MARVELD2: variants seen among roughly 807,000 people sequenced by gnomAD.
The protein encoded by MARVELD2 is MARVEL domain-containing protein 2.
A neutral mutation model predicts 57.6 loss-of-function variants in MARVELD2; 49 were observed. The observed-to-expected ratio is 0.85, with a 90% confidence interval of 0.68 to 1.08. The LOEUF is 1.08. Among genes scored for constraint, MARVELD2 ranks in the 50% least tolerant of loss-of-function variants. The pLI, the probability that MARVELD2 is intolerant of heterozygous loss-of-function variation, is 0.00. For synonymous variants in MARVELD2, 238 were observed against 258.8 expected (o/e 0.92, Z 0.77); for missense variants, 606 against 701.1 (o/e 0.86, Z 1.53).
In MARVELD2 at chr5:69,421,606, C is replaced by T. The variant is rs535998722; in HGVS notation, c.1146+1075C>T. On this transcript the variant is annotated intron_variant, in intron 2 of 6. Coordinates refer to ENST00000325631, the MANE Select transcript of MARVELD2 (RefSeq NM_001038603.3). The stretch of plus-strand genomic sequence containing the variant: ...GAATCTGATGCATAGCAACAAATAG[C>T]GCTTTGGTTTTAAAATTTTTTTAAT... Among the ~76,000 whole-genome samples, 35 of 151,964 alleles carry T rather than the reference C, an allele frequency of 2.3e-4. No homozygotes were observed. The South Asian group carries it at 6.5e-3, about 28-fold the overall frequency.
intron 5 of MARVELD2, among the ~76,000 whole-genome samples, chr5:69,434,200 A>C (rs1360834575): frequency 6.6e-6 from 1 of 152,162 alleles, no homozygotes. Flanking sequence ...GCAGTGGCTT[A>C]TGCCTGTAAT....
In MARVELD2 at chr5:69,419,404, T is replaced by C; in HGVS notation, c.19T>C (p.Ser7Pro). 1 of 1,614,114 alleles carries C rather than the reference T, an allele frequency of 6.2e-7. No homozygotes were observed. The highest frequency in any genetic ancestry group is 8.5e-7 in the Non-Finnish European group (1 of 1,180,022). Reference protein sequence around the residue: MSNDGRSRNRDRRYDEV... With the variant: MSNDGRPRNRDRRYDEV... ...ATCACAAATGTCAAATGATGGAAGA[T>C]CCAGGAATCGGGACAGGCGCTACGA... Residue 7 changes from serine to proline, a missense_variant, in exon 2 of 7, where the codon TCC (serine) becomes CCC (proline). Transcript: ENST00000325631.
At position 69,424,588 on chromosome 5, in the gene MARVELD2, C is replaced by G. The variant is rs370295005; in HGVS notation, c.1147-13C>G. ...ATGCCTTTGAAAAACTATTTGAACT[C>G]TTTTTGTTCCAGATAAATGAGCCAT... On this transcript the variant is annotated splice_polypyrimidine_tract_variant and intron_variant, in intron 2 of 6. Coordinates refer to ENST00000325631, the MANE Select transcript of MARVELD2 (RefSeq NM_001038603.3). 4.4e-6 allele frequency: 7 copies of G among 1,602,576 alleles called. No individual in the cohort carries two copies. Among genetic ancestry groups the G allele is most frequent in the Non-Finnish European group, 6.0e-6 (7 of 1,169,222 alleles).
intron 1 of MARVELD2, among the ~76,000 whole-genome samples, chr5:69,417,833 G>C (rs299088): frequency 0.35 from 52,316 of 151,620 alleles, 10,552 homozygotes; most frequent in Non-Finnish European, 0.46. Flanking sequence ...CAGCTACTTG[G>C]GAGGCTGAGG....
Position 69,438,571 on chromosome 5 carries a change from G to A in MARVELD2, c.1504-1879G>A, listed in dbSNP as rs544341801. On this transcript the variant is annotated intron_variant, in intron 5 of 6. Transcript: ENST00000325631. ...AAGATGAGCTTGGGCAACATAGCAAGACTGCATCTACACACAAAAAAGTAA... is the reference window on the plus strand; with the variant it reads ...AAGATGAGCTTGGGCAACATAGCAAAACTGCATCTACACACAAAAAAGTAA... Among the ~76,000 whole-genome samples the A allele has an allele frequency of 3.3e-5, 5 of 151,366 alleles. No homozygotes were observed. The East Asian group carries it at 9.8e-4, about 30-fold the overall frequency.
chr5:69,429,941 C>T (rs1766909973), intron 3 of MARVELD2, among the ~76,000 whole-genome samples: 1 of 151,878 alleles, frequency 6.6e-6, no homozygotes, highest in Non-Finnish European at 1.5e-5. Context: ...GGGTTTCACT[C>T]TGTCACCCAG....
rs1767364598 is a variant in MARVELD2 at position 69,442,844 on chromosome 5, T to TC, written c.*1190_*1191insC. The TC allele has an allele frequency of 6.6e-6, 1 of 151,054 alleles. No homozygotes were observed. Among genetic ancestry groups the TC allele is most frequent in the Non-Finnish European group, 1.5e-5 (1 of 67,890 alleles). 9.4% of individuals were successfully genotyped at this position (151,054 alleles called of 1,614,324 possible). The stretch of plus-strand genomic sequence containing the variant: ...GGTATTGCTTTTTTTTTTTTTTTTT[T>TC]GTGAGACAGAGTCTTACTCTGTTGC... On this transcript the variant is annotated 3_prime_UTR_variant, in exon 7 of 7. Transcript: ENST00000325631.
At position 69,444,318 on chromosome 5, in the gene MARVELD2, T is replaced by C. The variant is rs924637626; in HGVS notation, c.*2664T>C. Reference sequence around the variant, plus strand: ...TGTCAGAAAATAAACTGGAAAGTCATTGAAAACCCGTAGGTCACGATGCTC... The same window carrying C: ...TGTCAGAAAATAAACTGGAAAGTCACTGAAAACCCGTAGGTCACGATGCTC... On this transcript the variant is annotated 3_prime_UTR_variant, in exon 7 of 7. Transcript: ENST00000325631. 1 of 152,272 alleles carries C rather than the reference T, an allele frequency of 6.6e-6. No homozygotes were observed. The highest frequency in any genetic ancestry group is 2.4e-5 in the African/African-American group (1 of 41,564). The allele number at this position is 152,272 out of a possible 1,614,324, so 9.4% of individuals were successfully genotyped here.
At chr5:69,418,091 G>A (rs577333969) in intron 1 of MARVELD2, among the ~76,000 whole-genome samples, 4 of 152,048 alleles carry the variant, frequency 2.6e-5, no homozygotes, top group African/African-American at 9.7e-5. Flanking sequence ...CTGGGAAACA[G>A]AGTGAGACCC....
chr5:69,440,488 G>GAA lies in MARVELD2; in HGVS notation c.1549_1550dup (p.Asn518ArgfsTer16). ...TTTCAAGAATCCATGAAGAGTTTAA[G>GAA]AAAAAAAAGAATGTGAGTAAAACAG... On this transcript the variant is annotated frameshift_variant, in exon 6 of 7. Coordinates refer to ENST00000325631, the MANE Select transcript of MARVELD2 (RefSeq NM_001038603.3). LOFTEE classifies it high-confidence loss of function. 7.0e-7 allele frequency: 1 copy of GAA among 1,429,010 alleles called. No homozygotes were observed. Among genetic ancestry groups the GAA allele is most frequent in the Non-Finnish European group, 9.8e-7 (1 of 1,016,528 alleles). 88.5% of individuals were successfully genotyped at this position (1,429,010 alleles called of 1,614,324 possible).
Position 69,432,634 on chromosome 5 carries a change from A to G in MARVELD2, c.1290A>G (p.Pro430=). The change falls in exon 4 of 7, where the codon CCA becomes CCG. Residue 430 remains proline, a synonymous_variant. Coordinates refer to ENST00000325631, the MANE Select transcript of MARVELD2 (RefSeq NM_001038603.3). ...KPELLSGHIP[P]GHIPKPIVMP... ...AACTACTGAGTGGACACATCCCCCC[A>G]GGCCACATTCCTAAACCTATCGTGA... 6.2e-7 allele frequency: 1 copy of G among 1,614,170 alleles called. No homozygotes were observed. The highest frequency in any genetic ancestry group is 1.1e-5 in the South Asian group (1 of 91,086).
At position 69,419,495 on chromosome 5, in the gene MARVELD2, G is replaced by T; in HGVS notation, c.110G>T (p.Ser37Ile). 2 of 1,613,932 alleles carry T rather than the reference G, an allele frequency of 1.2e-6. No homozygotes were observed. Among genetic ancestry groups the T allele is most frequent in the Non-Finnish European group, 1.7e-6 (2 of 1,179,842 alleles). The change falls in exon 2 of 7, where the codon AGT becomes ATT. Residue 37 changes from serine (S) to isoleucine (I), a missense_variant. By Grantham distance (142) the Ser-to-Ile change is moderately radical. Coordinates refer to ENST00000325631, the MANE Select transcript of MARVELD2 (RefSeq NM_001038603.3). Reference sequence around the variant, plus strand: ...AGAACCCACCCAACTCTTCATGACAGTGAGCGGGCAGTGAGCGCTGATCCC... The same window carrying T: ...AGAACCCACCCAACTCTTCATGACATTGAGCGGGCAGTGAGCGCTGATCCC... ...TIRTHPTLHD[S>I]ERAVSADPLP...
Position 69,420,122 on chromosome 5 carries a change from A to G in MARVELD2, c.737A>G (p.Tyr246Cys), listed in dbSNP as rs760627718. 4 of 1,613,984 alleles carry G rather than the reference A, an allele frequency of 2.5e-6. No homozygotes were observed. The African/African-American group carries it at 4.0e-5, about 16-fold the overall frequency. The change falls in exon 2 of 7, where the codon TAT (tyrosine) becomes TGT (cysteine). Residue 246 changes from tyrosine to cysteine, a missense_variant. Physicochemically the swap from Tyr to Cys is radical, Grantham distance 194. Coordinates refer to ENST00000325631, the MANE Select transcript of MARVELD2 (RefSeq NM_001038603.3). ...VGGLGSMYGG[Y>C]YYTGPKTPFV... ...GGATTGGGCAGTATGTATGGGGGCT[A>G]TTACTACACTGGCCCTAAGACCCCT...
rs1766583319 is a variant in MARVELD2 at position 69,420,326 on chromosome 5, A to G, written c.941A>G (p.Asp314Gly). 1 of 1,614,210 alleles carries G rather than the reference A, an allele frequency of 6.2e-7. No homozygotes were observed. The highest frequency in any genetic ancestry group is 8.5e-7 in the Non-Finnish European group (1 of 1,180,034). The change falls in exon 2 of 7, where the codon GAT becomes GGT. Residue 314 changes from aspartate to glycine, a missense_variant. Coordinates refer to ENST00000325631, the MANE Select transcript of MARVELD2 (RefSeq NM_001038603.3). ...YMAAAIVYVNDTNRGGLCYYP... is the reference protein window; with the variant it reads ...YMAAAIVYVNGTNRGGLCYYP... ...GCCGCAGCCATAGTCTATGTGAATG[A>G]TACCAACCGAGGTGGCCTCTGCTAC...
At chr5:69,417,676 G>A (rs192892781) in intron 1 of MARVELD2, among the ~76,000 whole-genome samples, 25 of 152,272 alleles carry the variant, frequency 1.6e-4, no homozygotes, top group Admixed American at 1.4e-3. Context: ...GAGCGTGGTG[G>A]CTCACACCTG....
intron 5 of MARVELD2, among the ~76,000 whole-genome samples, chr5:69,435,968 T>C (rs1293342095): frequency 6.6e-6 from 1 of 152,124 alleles, no homozygotes; most frequent in East Asian, 1.9e-4. Flanking sequence ...AGTCAATACA[T>C]ATTCCTTTTT....
At chr5:69,431,266 C>A (rs907505398) in intron 3 of MARVELD2, among the ~76,000 whole-genome samples, 1 of 152,016 alleles carries the variant, frequency 6.6e-6, no homozygotes, top group African/African-American at 2.4e-5. Context: ...AGGCGCCCGC[C>A]ACTATGCCCG....
At chr5:69,427,217 G>T (rs746982261) in intron 3 of MARVELD2, among the ~76,000 whole-genome samples, 5 of 152,208 alleles carry the variant, frequency 3.3e-5, no homozygotes, top group Non-Finnish European at 5.9e-5. Context: ...TGTGCTTTAA[G>T]TGCTGTGCAG....
intron 5 of MARVELD2, among the ~76,000 whole-genome samples, chr5:69,434,893 C>T (rs1259291376): frequency 6.6e-6 from 1 of 151,986 alleles, no homozygotes; most frequent in Non-Finnish European, 1.5e-5. Flanking sequence ...CGGGGTTTCA[C>T]CATGGTGGTT....
Sources: gnomAD v4.1 joint callset for allele counts (sites outside exome capture counted in the v4.1 genomes callset) on GRCh38, gnomAD v4.1.1 for gene constraint, MANE v1.5 for transcripts, NCBI Gene and HGNC (gene_info 2026-07-23, HGNC 2026-07-21) for gene names.